LOC400499: variants seen among roughly 807,000 people sequenced by gnomAD.
the LOC400499 span, among the ~76,000 whole-genome samples, chr16:11,483,994 CTTTTTTTTTTTTTTTT>C: frequency 1.7e-4 from 6 of 34,828 alleles, no homozygotes; most frequent in Non-Finnish European, 2.4e-4. Flanking sequence ...GAGGAAGGGA[CTTTTTTTTTTTTTTTT>C]TTTTTTTTTT....
the LOC400499 span, chr16:11,392,380 A>G: frequency 2.5e-6 from 1 of 398,892 alleles, no homozygotes; most frequent in Non-Finnish European, 4.4e-6. Context: ...TCTGGTTGGC[A>G]GCCTGCAGGG....
the LOC400499 span, among the ~76,000 whole-genome samples, chr16:11,453,612 G>A: frequency 6.6e-6 from 1 of 152,120 alleles, no homozygotes; most frequent in African/African-American, 2.4e-5. Context: ...AGAAGGGCTA[G>A]CATATGAAGT....
At chr16:11,448,839 T>C in the LOC400499 span, 6 of 1,216,618 alleles carry the variant, frequency 4.9e-6, no homozygotes, top group East Asian at 2.7e-5. Flanking sequence ...CCCTTTTCCA[T>C]CCGAAGCAGG....
the LOC400499 span, chr16:11,475,699 T>C: frequency 2.5e-6 from 1 of 398,762 alleles, no homozygotes; most frequent in African/African-American, 2.1e-5. Context: ...TCCCTGGTGA[T>C]GAGGTACAGC....
At chr16:11,412,655 G>C in the LOC400499 span, among the ~76,000 whole-genome samples, 1 of 152,200 alleles carries the variant, frequency 6.6e-6, no homozygotes, top group East Asian at 1.9e-4. Context: ...GCCTGGAGAG[G>C]ATGAGGGATT....
chr16:11,440,940 T>C, the LOC400499 span: 1 of 399,070 alleles, frequency 2.5e-6, no homozygotes, highest in East Asian at 3.6e-5. Flanking sequence ...GACCCATACC[T>C]GGTAGGAATG....
chr16:11,432,305 C>G, the LOC400499 span, among the ~76,000 whole-genome samples: 1 of 152,216 alleles, frequency 6.6e-6, no homozygotes, highest in Non-Finnish European at 1.5e-5. Flanking sequence ...AATGGTTGTT[C>G]TTTAATCTCT....
At chr16:11,440,277 T>C in the LOC400499 span, among the ~76,000 whole-genome samples, 5 of 152,226 alleles carry the variant, frequency 3.3e-5, no homozygotes, top group African/African-American at 1.2e-4. Context: ...CTTTTCTTCC[T>C]GGACATATAG....
the LOC400499 span, chr16:11,443,509 C>T: frequency 3.5e-5 from 4 of 114,962 alleles, no homozygotes; most frequent in East Asian, 7.4e-4. Flanking sequence ...GAGAGAGAAA[C>T]AATGACTATC....
chr16:11,389,111 T>TC, the LOC400499 span, among the ~76,000 whole-genome samples: 1 of 151,846 alleles, frequency 6.6e-6, no homozygotes, highest in Non-Finnish European at 1.5e-5. Context: ...GCCAGGCACA[T>TC]CCCTCTCCCA....
chr16:11,460,394 G>A, the LOC400499 span: 3 of 1,385,016 alleles, frequency 2.2e-6, no homozygotes, highest in Non-Finnish European at 2.8e-6. Context: ...CCATCTCTTT[G>A]GGGATGAGTT....
chr16:11,512,959 G>A, the LOC400499 span, among the ~76,000 whole-genome samples: 2 of 152,160 alleles, frequency 1.3e-5, no homozygotes, highest in African/African-American at 2.4e-5. Flanking sequence ...GGGGTGCCGG[G>A]AGCCTGCCCT....
the LOC400499 span, among the ~76,000 whole-genome samples, chr16:11,394,787 A>T: frequency 6.6e-6 from 1 of 152,186 alleles, no homozygotes; most frequent in East Asian, 1.9e-4. Flanking sequence ...GGGTCCTGGC[A>T]ACCACCAGAA....
the LOC400499 span, among the ~76,000 whole-genome samples, chr16:11,395,547 C>T: frequency 2.6e-5 from 4 of 152,284 alleles, no homozygotes; most frequent in South Asian, 4.1e-4. Context: ...GAAATGGCCA[C>T]GGCTGCTGAA....
the LOC400499 span, among the ~76,000 whole-genome samples, chr16:11,377,563 T>C: frequency 1.3e-5 from 2 of 152,228 alleles, no homozygotes; most frequent in Non-Finnish European, 2.9e-5. Context: ...CTAACTGAAA[T>C]AGTCATGTGT....
the LOC400499 span, among the ~76,000 whole-genome samples, chr16:11,511,647 C>T: frequency 5.9e-5 from 9 of 152,270 alleles, no homozygotes; most frequent in South Asian, 1.0e-3. Flanking sequence ...AAATTAGAGG[C>T]AGAAAGTAGT....
the LOC400499 span, chr16:11,523,274 C>T: frequency 2.5e-6 from 1 of 397,070 alleles, no homozygotes; most frequent in Non-Finnish European, 4.4e-6. Flanking sequence ...CTTGGTCCTC[C>T]CAACTGGTAT....
chr16:11,438,161 G>T, the LOC400499 span, among the ~76,000 whole-genome samples: 1 of 152,174 alleles, frequency 6.6e-6, no homozygotes, highest in Non-Finnish European at 1.5e-5. Context: ...AGAGGGTTTA[G>T]AACAGAGCCT....
the LOC400499 span, among the ~76,000 whole-genome samples, chr16:11,383,423 A>C: frequency 3.2e-4 from 48 of 151,520 alleles, no homozygotes; most frequent in Admixed American, 2.9e-3. Context: ...GCAAGAACTC[A>C]CTCTTCACCA....
Sources: gnomAD v4.1 joint callset for allele counts (sites outside exome capture counted in the v4.1 genomes callset) on GRCh38, gnomAD v4.1.1 for gene constraint, MANE v1.5 for transcripts.